Variants in NT5DC3 observed in about 807,000 individuals in gnomAD.
NT5DC3 encodes 5'-nucleotidase domain-containing protein 3.
NT5DC3 carries 42 observed loss-of-function variants against 67.8 expected under a neutral mutation model. The ratio of observed to expected loss-of-function variants is 0.62; its 90% confidence interval spans 0.48 to 0.80. The LOEUF is 0.80. Among genes scored for constraint, NT5DC3 ranks in the 30% least tolerant of loss-of-function variants. The pLI, the probability that NT5DC3 is intolerant of heterozygous loss-of-function variation, is 0.00. For synonymous variants in NT5DC3, 237 were observed against 255.6 expected (o/e 0.93, Z 0.69); for missense variants, 570 against 696.4 (o/e 0.82, Z 2.04).
chr12:103,746,726 G>T, the NT5DC3 span: 1 of 1,610,696 alleles, frequency 6.2e-7, no homozygotes, highest in Non-Finnish European at 8.5e-7. Context: ...TTGTGCACAG[G>T]TGAAATAGCA....
chr12:103,805,724 T>C (rs764142758), intron 4 of NT5DC3, among the ~76,000 whole-genome samples: 1 of 151,752 alleles, frequency 6.6e-6, no homozygotes, highest in Non-Finnish European at 1.5e-5. Flanking sequence ...CATGTGCCTG[T>C]AGTCCCAGCT....
chr12:103,765,369 C>A, the NT5DC3 span, among the ~76,000 whole-genome samples: 1 of 152,196 alleles, frequency 6.6e-6, no homozygotes, highest in Non-Finnish European at 1.5e-5. Flanking sequence ...TTCCAGAATC[C>A]TAAGCATAAG....
rs1885259322 is a variant in NT5DC3 at position 103,773,963 on chromosome 12, T to C, written c.*3866A>G. On this transcript the variant is annotated 3_prime_UTR_variant, in exon 14 of 14. Transcript: ENST00000392876. Reference sequence around the variant, plus strand: ...TTATGTTACATAATATTAATGGGAATAGCAGAAAATAGTGCCGAAGGGTAA... The same window carrying C: ...TTATGTTACATAATATTAATGGGAACAGCAGAAAATAGTGCCGAAGGGTAA... 1 of 152,576 alleles carries C rather than the reference T, an allele frequency of 6.6e-6. No homozygotes were observed. Among genetic ancestry groups the C allele is most frequent in the Non-Finnish European group, 1.5e-5 (1 of 68,040 alleles). The allele number at this position is 152,576 out of a possible 1,614,324, so 9.5% of individuals were successfully genotyped here.
chr12:103,765,026 G>A, the NT5DC3 span, among the ~76,000 whole-genome samples: 1 of 139,230 alleles, frequency 7.2e-6, no homozygotes, highest in Non-Finnish European at 1.5e-5. Context: ...GGCGGAGGTT[G>A]CAGTGAGCAG....
At chr12:103,797,470 TA>T (rs59046659) in intron 5 of NT5DC3, among the ~76,000 whole-genome samples, 3,591 of 138,186 alleles carry the variant, frequency 0.026, 50 homozygotes, top group Middle Eastern at 0.085. Flanking sequence ...AACTCTGCCT[TA>T]AAAAAAAAAA....
intron 6 of NT5DC3, 129 bp downstream of exon 6, chr12:103,796,763 CCA>C (rs1339288067): frequency 1.2e-6 from 1 of 858,430 alleles, no homozygotes; most frequent in Non-Finnish European, 1.8e-6. Flanking sequence ...CAAGGTTAAA[CCA>C]CATATAAGAG....
the NT5DC3 span, chr12:103,755,476 C>A: frequency 1.3e-5 from 21 of 1,612,796 alleles, no homozygotes; most frequent in Non-Finnish European, 1.7e-5. Flanking sequence ...AGGTAACCGC[C>A]CCAGCTACAC....
chr12:103,762,880 A>G, the NT5DC3 span, among the ~76,000 whole-genome samples: 1 of 152,194 alleles, frequency 6.6e-6, no homozygotes, highest in African/African-American at 2.4e-5. Flanking sequence ...CCACATCCCA[A>G]TCAGCAGCCA....
At chr12:103,798,742 G>C in intron 4 of NT5DC3, 65 bp from the exon 5 acceptor site, 4 of 1,168,524 alleles carry the variant, frequency 3.4e-6, no homozygotes, top group Non-Finnish European at 5.1e-6. Context: ...TCACACCCCT[G>C]TGCAGTGCTG....
At chr12:103,816,382 G>A (rs1048385493) in intron 1 of NT5DC3, among the ~76,000 whole-genome samples, 2 of 152,156 alleles carry the variant, frequency 1.3e-5, no homozygotes, top group Non-Finnish European at 2.9e-5. Context: ...TGTCCAACCT[G>A]TACTCTATGT....
intron 9 of NT5DC3, among the ~76,000 whole-genome samples, chr12:103,792,360 C>T (rs1886103913): frequency 6.6e-6 from 1 of 152,216 alleles, no homozygotes; most frequent in Admixed American, 6.5e-5. Flanking sequence ...CAGGGCACCA[C>T]ACCCTGATGC....
At chr12:103,792,478 AT>A (rs980508719) in intron 9 of NT5DC3, among the ~76,000 whole-genome samples, 1 of 152,174 alleles carries the variant, frequency 6.6e-6, no homozygotes, top group Admixed American at 6.5e-5. Flanking sequence ...AATACAAGTA[AT>A]TTTTTTAGAA....
At chr12:103,760,041 T>A in the NT5DC3 span, among the ~76,000 whole-genome samples, 5 of 152,002 alleles carry the variant, frequency 3.3e-5, no homozygotes, top group African/African-American at 1.2e-4. Flanking sequence ...AGATAAGGAG[T>A]ATTTCAGTAG....
chr12:103,762,489 C>A, the NT5DC3 span: 1 of 1,591,964 alleles, frequency 6.3e-7, no homozygotes, highest in Non-Finnish European at 8.6e-7. Context: ...GGTGGCTGCG[C>A]CAGAGTCCTC....
chr12:103,777,609 T>C lies in NT5DC3; in HGVS notation c.*220A>G. On this transcript the variant is annotated 3_prime_UTR_variant, in exon 14 of 14. Transcript: ENST00000392876. ...AAAAGGCAAAATCAGAGTTCCAATG[T>C]GAAGCTTGCCTTTCAGCCCTGCATG... 2 of 558,824 alleles carry C rather than the reference T, an allele frequency of 3.6e-6. No homozygotes were observed. The highest frequency in any genetic ancestry group is 5.6e-5 in the South Asian group (2 of 35,414). The allele number at this position is 558,824 out of a possible 1,614,324, so 34.6% of individuals were successfully genotyped here.
intron 2 of NT5DC3, among the ~76,000 whole-genome samples, chr12:103,812,225 G>A (rs971824324): frequency 1.5e-4 from 23 of 152,238 alleles, no homozygotes; most frequent in African/African-American, 3.9e-4. Context: ...ATGACTGTGC[G>A]TCTCAAAAGC....
Position 103,841,172 on chromosome 12 carries a change from C to T in NT5DC3, c.-16G>A. On this transcript the variant is annotated 5_prime_UTR_variant, in exon 1 of 14. Coordinates refer to ENST00000392876, the MANE Select transcript of NT5DC3 (RefSeq NM_001031701.3). ...CCATGGTCATGCCTGCTGCCTGCTG[C>T]CGCCACCGCCGCCGCGCCGCTCTGC... 4.6e-6 allele frequency: 3 copies of T among 646,772 alleles called. No homozygotes were observed. The highest frequency in any genetic ancestry group is 2.0e-5 in the South Asian group (1 of 51,206). The allele number at this position is 646,772 out of a possible 1,614,324, so 40.1% of individuals were successfully genotyped here.
rs1391627190 is a variant in NT5DC3, at chr12:103,775,410, C to A, written c.*2419G>T. Reference sequence around the variant, plus strand: ...CTTCATTCTTGAGTAAACAAAACACCCTATAACTGGCACCTGGTAGGTAAT... The same window carrying A: ...CTTCATTCTTGAGTAAACAAAACACACTATAACTGGCACCTGGTAGGTAAT... On this transcript the variant is annotated 3_prime_UTR_variant, in exon 14 of 14. Transcript: ENST00000392876. 1 of 152,026 alleles carries A rather than the reference C, an allele frequency of 6.6e-6. No individual in the cohort carries two copies. Among genetic ancestry groups the A allele is most frequent in the Non-Finnish European group, 1.5e-5 (1 of 68,002 alleles). The allele number at this position is 152,026 out of a possible 1,614,324, so 9.4% of individuals were successfully genotyped here. A position where few individuals can be genotyped will look rare whatever the true frequency, so the allele number is the denominator to read the frequency against.
chr12:103,821,795 T>C (rs1396309025), intron 1 of NT5DC3: 1 of 152,224 alleles, frequency 6.6e-6, no homozygotes, highest in Non-Finnish European at 1.5e-5. Context: ...ATCAAAGGCA[T>C]TCCCTATGTA....
Sources: allele counts gnomAD v4.1 joint callset (sites outside exome capture counted in the v4.1 genomes callset), GRCh38; gene constraint gnomAD v4.1.1; transcripts MANE v1.5; gene names NCBI Gene and HGNC (gene_info 2026-07-23, HGNC 2026-07-21).